DIAPH3: variants seen among roughly 807,000 people sequenced by gnomAD.
The protein encoded by DIAPH3 is protein diaphanous homolog 3.
In DIAPH3, 117 loss-of-function variants were observed where a neutral mutation model predicts 144.3. The observed-to-expected ratio is 0.81, with a 90% CI of 0.70 to 0.95. The LOEUF (loss-of-function observed/expected upper bound fraction) is 0.95. Ranked by LOEUF, DIAPH3 falls within the 40% of genes least tolerant of loss-of-function variation. The pLI is 0.00. For synonymous variants in DIAPH3, 519 were observed against 488.9 expected (o/e 1.06, Z -0.81); for missense variants, 1,421 against 1,412.7 (o/e 1.01, Z -0.09).
At chr13:59,697,255 C>G (rs1043800350) in intron 27 of DIAPH3, among the ~76,000 whole-genome samples, 19 of 151,200 alleles carry the variant, frequency 1.3e-4, no homozygotes, top group Admixed American at 3.3e-4. Context: ...ATCAGGAGAT[C>G]GAGACCATCC....
At chr13:60,074,150 A>C (rs978727837) in intron 4 of DIAPH3, among the ~76,000 whole-genome samples, 1 of 152,198 alleles carries the variant, frequency 6.6e-6, no homozygotes, top group African/African-American at 2.4e-5. Flanking sequence ...AACTCCAATA[A>C]GTCAGAGTAC....
chr13:59,943,474 T>C (rs1460429677), intron 17 of DIAPH3, among the ~76,000 whole-genome samples: 1 of 152,188 alleles, frequency 6.6e-6, no homozygotes, highest in African/African-American at 2.4e-5. Context: ...GCTCTCAATA[T>C]GGAGCTCCTC....
intron 24 of DIAPH3, among the ~76,000 whole-genome samples, chr13:59,825,654 A>G (rs2041363641): frequency 6.6e-6 from 1 of 152,172 alleles, no homozygotes; most frequent in Non-Finnish European, 1.5e-5. Context: ...TCCTACCAAC[A>G]GTGTAAAAGT....
intron 5 of DIAPH3, among the ~76,000 whole-genome samples, chr13:60,040,578 C>T (rs1418938435): frequency 6.6e-6 from 1 of 152,070 alleles, no homozygotes; most frequent in Admixed American, 6.6e-5. Context: ...CAGACATCTA[C>T]TTTTGAGTAG....
At chr13:59,691,692 T>C (rs2033533067) in intron 27 of DIAPH3, among the ~76,000 whole-genome samples, 1 of 152,082 alleles carries the variant, frequency 6.6e-6, no homozygotes. Context: ...GAAGCAAAGC[T>C]AGAGAAAGGG....
chr13:60,014,486 G>C (rs1361044615), intron 7 of DIAPH3, among the ~76,000 whole-genome samples: 1 of 151,862 alleles, frequency 6.6e-6, no homozygotes, highest in Non-Finnish European at 1.5e-5. Flanking sequence ...TATTTCATTG[G>C]TTAAAAATAG....
intron 13 of DIAPH3, among the ~76,000 whole-genome samples, chr13:59,981,106 A>T (rs1484162387): frequency 1.3e-5 from 2 of 151,382 alleles, no homozygotes; most frequent in Non-Finnish European, 3.0e-5. Context: ...GCAAAAGGAG[A>T]TGTTCAATTG....
intron 3 of DIAPH3, among the ~76,000 whole-genome samples, chr13:60,105,092 A>C (rs1451846667): frequency 7.4e-6 from 1 of 135,008 alleles, no homozygotes; most frequent in African/African-American, 2.7e-5. Flanking sequence ...AAAGTGAGAC[A>C]CGATCTCAAA....
At chr13:59,967,303 G>A (rs1357212232) in intron 17 of DIAPH3, among the ~76,000 whole-genome samples, 1 of 151,772 alleles carries the variant, frequency 6.6e-6, no homozygotes, top group Non-Finnish European at 1.5e-5. Context: ...TCAAACTCCT[G>A]GCCTCAAGTG....
intron 27 of DIAPH3, among the ~76,000 whole-genome samples, chr13:59,752,922 T>C (rs1171562882): frequency 6.6e-6 from 1 of 152,212 alleles, no homozygotes; most frequent in Non-Finnish European, 1.5e-5. Context: ...AAATTATCTC[T>C]CTTAAGAACA....
At chr13:60,038,874 G>GT (rs2055426345) in intron 5 of DIAPH3, among the ~76,000 whole-genome samples, 1 of 83,778 alleles carries the variant, frequency 1.2e-5, no homozygotes, top group African/African-American at 5.5e-5. Flanking sequence ...ATCTATAAAT[G>GT]CTGATATCAA....
intron 4 of DIAPH3, among the ~76,000 whole-genome samples, chr13:60,060,641 A>G (rs1274041194): frequency 2.0e-5 from 3 of 152,112 alleles, no homozygotes; most frequent in African/African-American, 7.2e-5. Context: ...AACTAACTGG[A>G]TAGATTGTCT....
At chr13:60,002,648 C>T (rs1242542232) in intron 9 of DIAPH3, among the ~76,000 whole-genome samples, 1 of 152,156 alleles carries the variant, frequency 6.6e-6, no homozygotes, top group African/African-American at 2.4e-5. Context: ...CCATCAGCAA[C>T]TTCATGGGTA....
At chr13:59,937,637 T>C (rs1375149006) in intron 17 of DIAPH3, among the ~76,000 whole-genome samples, 1 of 152,138 alleles carries the variant, frequency 6.6e-6, no homozygotes, top group Admixed American at 6.6e-5. Flanking sequence ...CAAAACTTGA[T>C]AGAAGAGAAG....
chr13:59,838,501 T>C (rs1158058803), intron 23 of DIAPH3: 1 of 152,112 alleles, frequency 6.6e-6, no homozygotes, highest in Non-Finnish European at 1.5e-5. Flanking sequence ...TCCATTTTGA[T>C]TTTATAACCA....
chr13:59,848,106 G>A (rs1020887018), intron 22 of DIAPH3, among the ~76,000 whole-genome samples: 2 of 152,036 alleles, frequency 1.3e-5, no homozygotes, highest in Non-Finnish European at 2.9e-5. Context: ...TACTCTTCCC[G>A]ATCCAAGCCA....
intron 2 of DIAPH3, among the ~76,000 whole-genome samples, chr13:60,126,747 T>C (rs1292444821): frequency 2.6e-5 from 4 of 152,140 alleles, no homozygotes; most frequent in African/African-American, 9.7e-5. Flanking sequence ...CACAGTCAAA[T>C]ATCAGGAAAA....
rs11421911 is a variant in DIAPH3 at position 59,666,357 on chromosome 13, C to CAAAAAAAAAAAAAAAAAAA, written c.*226_*227insTTTTTTTTTTTTTTTTTTT. The CAAAAAAAAAAAAAAAAAAA allele has an allele frequency of 3.6e-6, 1 of 281,530 alleles. No individual in the cohort carries two copies. The highest frequency in any genetic ancestry group is 3.0e-5 in the African/African-American group (1 of 33,152). The allele number at this position is 281,530 out of a possible 1,614,324, so 17.4% of individuals were successfully genotyped here. On this transcript the variant is annotated 3_prime_UTR_variant, in exon 28 of 28. Coordinates refer to ENST00000400324, the MANE Select transcript of DIAPH3 (RefSeq NM_001042517.2). Reference sequence around the variant, plus strand: ...TAAAGAACTGAGGAATACCAGGAGACAAAAAAAAAAAAAAAAGGATTAAAG... The same window carrying CAAAAAAAAAAAAAAAAAAA: ...TAAAGAACTGAGGAATACCAGGAGACAAAAAAAAAAAAAAAAAAAAAAAAAAAAAAAAAAAGGATTAAAG...
intron 4 of DIAPH3, among the ~76,000 whole-genome samples, chr13:60,054,513 T>A (rs1384265070): frequency 1.3e-5 from 2 of 152,026 alleles, no homozygotes; most frequent in Non-Finnish European, 2.9e-5. Flanking sequence ...TAACCATTAA[T>A]TAACTGCCTC....
Sources: gnomAD v4.1 joint callset for allele counts (sites outside exome capture counted in the v4.1 genomes callset) on GRCh38, gnomAD v4.1.1 for gene constraint, MANE v1.5 for transcripts, NCBI Gene and HGNC (gene_info 2026-07-23, HGNC 2026-07-21) for gene names.